LIN28B: variants seen among roughly 807,000 people sequenced by gnomAD.
LIN28B encodes the protein lin-28 RNA binding posttranscriptional regulator B, also known as protein lin-28 homolog B.
In LIN28B, 5 loss-of-function variants were observed where a neutral mutation model predicts 21.9. The observed-to-expected ratio is 0.23, with a 90% CI of 0.12 to 0.48. The LOEUF (loss-of-function observed/expected upper bound fraction) is 0.48. Ranked by LOEUF, LIN28B falls within the 20% of genes least tolerant of loss-of-function variation. The probability of loss-of-function intolerance (pLI) is 0.98; values close to 1 mark genes in which losing one functional copy is unlikely to be tolerated. For synonymous variants in LIN28B, 109 were observed against 111.3 expected (o/e 0.98, Z 0.13); for missense variants, 245 against 310.5 (o/e 0.79, Z 1.58).
At chr6:105,054,568 T>G (rs576068375) in intron 3 of LIN28B, among the ~76,000 whole-genome samples, 6 of 152,320 alleles carry the variant, frequency 3.9e-5, no homozygotes, top group African/African-American at 1.4e-4. Flanking sequence ...CTTGGAGACA[T>G]TAGGGGATAA....
chr6:105,044,357 C>G (rs755157206), intron 3 of LIN28B, among the ~76,000 whole-genome samples: 46 of 152,110 alleles, frequency 3.0e-4, no homozygotes, highest in Non-Finnish European at 2.4e-4. Flanking sequence ...TTTAATTCCT[C>G]AAAGGTAAAT....
intron 3 of LIN28B, among the ~76,000 whole-genome samples, chr6:105,052,863 A>C (rs922248787): frequency 6.6e-6 from 1 of 151,600 alleles, no homozygotes; most frequent in Non-Finnish European, 1.5e-5. Flanking sequence ...ATTTTTTTAT[A>C]TTGTTTTCTA....
chr6:105,028,454 G>A (rs1303245677), intron 3 of LIN28B, among the ~76,000 whole-genome samples: 3 of 152,118 alleles, frequency 2.0e-5, no homozygotes, highest in South Asian at 4.1e-4. Flanking sequence ...AAGAGCTAGT[G>A]GTGGTTTGGA....
intron 3 of LIN28B, among the ~76,000 whole-genome samples, chr6:105,031,249 T>G (rs1465797170): frequency 1.3e-5 from 2 of 152,152 alleles, no homozygotes; most frequent in African/African-American, 4.8e-5. Flanking sequence ...TTTCCCAGAT[T>G]TGACCAGTAG....
chr6:105,001,766 A>T (rs958468139), intron 2 of LIN28B, among the ~76,000 whole-genome samples: 6 of 152,192 alleles, frequency 3.9e-5, no homozygotes, highest in African/African-American at 1.2e-4. Context: ...AATTAAGAAG[A>T]TGTTATGATA....
At chr6:105,061,262 A>G (rs1055265832) in intron 3 of LIN28B, among the ~76,000 whole-genome samples, 1 of 152,208 alleles carries the variant, frequency 6.6e-6, no homozygotes, top group Non-Finnish European at 1.5e-5. Context: ...AGTGAACTAC[A>G]TACAGGAAGA....
At chr6:105,059,462 C>T (rs149409032) in intron 3 of LIN28B, among the ~76,000 whole-genome samples, 21 of 152,302 alleles carry the variant, frequency 1.4e-4, no homozygotes, top group Non-Finnish European at 2.6e-4. Context: ...ACCTTAGCAT[C>T]TCTTCAAGTT....
intron 3 of LIN28B, among the ~76,000 whole-genome samples, chr6:105,066,163 ACT>A (rs1184853713): frequency 6.6e-6 from 1 of 152,148 alleles, no homozygotes; most frequent in East Asian, 1.9e-4. Context: ...ACACAGCAAG[ACT>A]CTGTCTCAAA....
At chr6:105,037,080 A>G (rs925629749) in intron 3 of LIN28B, among the ~76,000 whole-genome samples, 2 of 152,250 alleles carry the variant, frequency 1.3e-5, no homozygotes, top group Non-Finnish European at 2.9e-5. Context: ...ATCATGATTT[A>G]TATCTGCTAA....
intron 2 of LIN28B, among the ~76,000 whole-genome samples, chr6:105,021,233 T>C (rs777547063): frequency 7.2e-5 from 11 of 152,168 alleles, no homozygotes; most frequent in Non-Finnish European, 1.3e-4. Context: ...ATAATATCCA[T>C]TGTGTATATA....
rs1320399401 is a variant in LIN28B at position 105,080,459 on chromosome 6, C to G, written c.*1676C>G. 1.3e-5 allele frequency: 2 copies of G among 152,604 alleles called. No homozygotes were observed. The highest frequency in any genetic ancestry group is 1.9e-4 in the East Asian group (1 of 5,196). The allele number at this position is 152,604 out of a possible 1,614,324, so 9.5% of individuals were successfully genotyped here. On this transcript the variant is annotated 3_prime_UTR_variant, in exon 4 of 4. Coordinates refer to ENST00000345080, the MANE Select transcript of LIN28B (RefSeq NM_001004317.4). ...CTGTCATGGGAGACGTGTATAGTTG[C>G]TGCTGTTTCAGCAAACCACCATAAG...
intron 3 of LIN28B, among the ~76,000 whole-genome samples, chr6:105,063,415 C>A (rs1772160466): frequency 6.6e-6 from 1 of 152,158 alleles, no homozygotes; most frequent in Admixed American, 6.5e-5. Context: ...AAGGGCGGAT[C>A]ACTTGAGGTC....
chr6:105,004,307 C>T (rs772847088), intron 2 of LIN28B, among the ~76,000 whole-genome samples: 1 of 152,186 alleles, frequency 6.6e-6, no homozygotes, highest in Non-Finnish European at 1.5e-5. Flanking sequence ...TGAATCCAAT[C>T]AAGTTGACAC....
chr6:104,969,060 C>T (rs1037462465), intron 2 of LIN28B, among the ~76,000 whole-genome samples: 6 of 152,082 alleles, frequency 3.9e-5, no homozygotes, highest in African/African-American at 9.7e-5. Context: ...GAGACATATA[C>T]GTAACACAGC....
intron 2 of LIN28B, among the ~76,000 whole-genome samples, chr6:105,007,338 AAC>A (rs1770837942): frequency 6.6e-6 from 1 of 152,176 alleles, no homozygotes. Flanking sequence ...AATTTATTGA[AAC>A]AGAGTCAGAT....
intron 3 of LIN28B, among the ~76,000 whole-genome samples, chr6:105,051,802 A>G (rs1023530695): frequency 6.6e-6 from 1 of 152,172 alleles, no homozygotes; most frequent in African/African-American, 2.4e-5. Flanking sequence ...TGTTCTAGGC[A>G]CTGAACATGG....
chr6:104,982,270 C>T (rs1191473945), intron 2 of LIN28B, among the ~76,000 whole-genome samples: 2 of 150,440 alleles, frequency 1.3e-5, no homozygotes, highest in African/African-American at 4.9e-5. Context: ...TCTGAGATTG[C>T]GCCATTGCAC....
chr6:105,011,723 G>A (rs983844042), intron 2 of LIN28B, among the ~76,000 whole-genome samples: 3 of 151,938 alleles, frequency 2.0e-5, no homozygotes, highest in African/African-American at 7.3e-5. Context: ...GGTGGCATGC[G>A]CCTGTGATCC....
chr6:105,077,056 C>T (rs1012807081), intron 3 of LIN28B, among the ~76,000 whole-genome samples: 23 of 151,682 alleles, frequency 1.5e-4, no homozygotes, highest in African/African-American at 5.6e-4. Flanking sequence ...ATGGTGAAAC[C>T]CTGTCTCTAC....
Sources: allele counts gnomAD v4.1 joint callset (sites outside exome capture counted in the v4.1 genomes callset), GRCh38; gene constraint gnomAD v4.1.1; transcripts MANE v1.5; gene names NCBI Gene and HGNC (gene_info 2026-07-23, HGNC 2026-07-21).